The following CEP20 variants were observed in gnomAD, a reference collection of about 807,000 sequenced individuals.
The protein encoded by CEP20 is centrosomal protein 20, also known as FGFR1OP N-terminal like.
In CEP20, 18 loss-of-function variants were observed where a neutral mutation model predicts 20.0. The observed-to-expected ratio is 0.90, with a 90% CI of 0.62 to 1.34. The LOEUF (loss-of-function observed/expected upper bound fraction) is 1.34, where lower values mean the gene tolerates loss of function less well. Among genes scored for constraint, CEP20 ranks in the 40% most tolerant of loss-of-function variants. The pLI is 0.00. For missense variants in CEP20, 215 were observed against 201.6 expected, an observed-to-expected ratio of 1.07 and a Z score of -0.40; for synonymous variants, 77 against 73.7, an observed-to-expected ratio of 1.04 and a Z score of -0.23.
intron 2 of CEP20, among the ~76,000 whole-genome samples, chr16:15,883,452 T>G (rs1403113495): frequency 1.3e-5 from 2 of 152,012 alleles, no homozygotes; most frequent in Non-Finnish European, 1.5e-5. Flanking sequence ...CCAGAGCACA[T>G]GGGCTCACAT....
At chr16:15,872,369 A>G (rs960459165) in intron 4 of CEP20, among the ~76,000 whole-genome samples, 1 of 152,266 alleles carries the variant, frequency 6.6e-6, no homozygotes, top group Non-Finnish European at 1.5e-5. Context: ...CTGAGCTATA[A>G]CCCACTCAAT....
At chr16:15,871,785 A>C (rs1248810323) in intron 4 of CEP20, among the ~76,000 whole-genome samples, 2 of 152,210 alleles carry the variant, frequency 1.3e-5, no homozygotes, top group African/African-American at 2.4e-5. Context: ...CTCCTAGTGC[A>C]GTCAGAAACC....
rs1027698998 is a variant in CEP20 at position 15,866,190 on chromosome 16, G to T, written c.*1250C>A. 3 of 152,122 alleles carry T rather than the reference G, an allele frequency of 2.0e-5. No individual in the cohort carries two copies. The highest frequency in any genetic ancestry group is 2.0e-4 in the Admixed American group (3 of 15,258). The allele number at this position is 152,122 out of a possible 1,614,324, so 9.4% of individuals were successfully genotyped here. Reference sequence around the variant, plus strand: ...TTCTGCATTTAGATAAAAATTCTTGGCTAATCTGTAAGAAGTGAACACTGA... The same window carrying T: ...TTCTGCATTTAGATAAAAATTCTTGTCTAATCTGTAAGAAGTGAACACTGA... On this transcript the variant is annotated 3_prime_UTR_variant, in exon 5 of 5. Transcript: ENST00000255759.
intron 1 of CEP20, among the ~76,000 whole-genome samples, chr16:15,887,506 T>C (rs2042785474): frequency 6.6e-6 from 1 of 152,232 alleles, no homozygotes; most frequent in African/African-American, 2.4e-5. Context: ...TAGGTTCCCA[T>C]GCTGTGTCTC....
rs141679636 is a variant in CEP20, at chr16:15,875,561, G to A, written c.312-1934C>T. 5.7e-3 allele frequency among the ~76,000 whole-genome samples: 870 copies of A among 152,238 alleles called. 7 individuals are homozygous for A. The highest frequency in any genetic ancestry group is 0.02 in the African/African-American group (824 of 41,546). On this transcript the variant is annotated intron_variant, in intron 3 of 4. Coordinates refer to ENST00000255759, the MANE Select transcript of CEP20 (RefSeq NM_144600.4). Reference sequence around the variant, plus strand: ...AGCTACTTGGGAGGCTGAGGTGAGAGGATCGCTTGAGTGCAGAAGGGAGAG... The same window carrying A: ...AGCTACTTGGGAGGCTGAGGTGAGAAGATCGCTTGAGTGCAGAAGGGAGAG...
chr16:15,873,657 A>G, intron 3 of CEP20, 30 bp from the exon 4 acceptor site: 3 of 1,588,686 alleles, frequency 1.9e-6, no homozygotes, highest in Non-Finnish European at 2.6e-6. Context: ...AAACAAAACC[A>G]AAAGCTAATA....
chr16:15,885,409 T>C (rs1212828911), intron 1 of CEP20, among the ~76,000 whole-genome samples: 1 of 152,106 alleles, frequency 6.6e-6, no homozygotes, highest in Non-Finnish European at 1.5e-5. Context: ...ATTGTTGTTA[T>C]TTTGAAACAA....
intron 4 of CEP20, among the ~76,000 whole-genome samples, chr16:15,872,478 G>T (rs1389109215): frequency 6.6e-6 from 1 of 152,116 alleles, no homozygotes; most frequent in Non-Finnish European, 1.5e-5. Flanking sequence ...GAGAGGCTGA[G>T]GTGGGAAATC....
At chr16:15,875,898 A>C (rs2044932167) in intron 3 of CEP20, among the ~76,000 whole-genome samples, 4 of 152,002 alleles carry the variant, frequency 2.6e-5, no homozygotes, top group Admixed American at 2.6e-4. Flanking sequence ...CGGGAGTTCA[A>C]GACCAGCCTG....
At chr16:15,879,658 A>G (rs56026242) in intron 3 of CEP20, 146 bp downstream of exon 3, 34,652 of 581,454 alleles carry the variant, frequency 0.06, 1,497 homozygotes, top group East Asian at 0.19. Context: ...CATCTGACTT[A>G]TTCACTGCTG....
chr16:15,867,453 G>A lies in CEP20; in HGVS notation c.512C>T (p.Ala171Val), dbSNP rs1476543943. Residue 171 changes from alanine to valine, a missense_variant, in exon 5 of 5, where the codon GCA (alanine) becomes GTA (valine). Ala to Val is a moderately conservative substitution (Grantham distance 64). Transcript: ENST00000255759. ...CCAAACAAAGCATTATCTGTTGACTGCCTGAGAAACATGAAGATCTTCAAT... is the reference window on the plus strand; with the variant it reads ...CCAAACAAAGCATTATCTGTTGACTACCTGAGAAACATGAAGATCTTCAAT... ...TNIEDLHVSQAVNR is the reference protein window; with the variant it reads ...TNIEDLHVSQVVNR 1.3e-6 allele frequency: 2 copies of A among 1,599,640 alleles called. No individual in the cohort carries two copies. Among genetic ancestry groups the A allele is most frequent in the South Asian group, 1.1e-5 (1 of 88,862 alleles).
intron 1 of CEP20, among the ~76,000 whole-genome samples, chr16:15,888,138 C>A (rs2045290807): frequency 6.6e-6 from 1 of 150,566 alleles, no homozygotes; most frequent in Non-Finnish European, 1.5e-5. Flanking sequence ...AAGGACCCAA[C>A]GAGACAACCA....
At chr16:15,872,448 G>C (rs1567234167) in intron 4 of CEP20, among the ~76,000 whole-genome samples, 1 of 152,132 alleles carries the variant, frequency 6.6e-6, no homozygotes, top group Non-Finnish European at 1.5e-5. Flanking sequence ...ACAGGCTCGT[G>C]CCTGTAACCC....
chr16:15,870,944 T>G (rs1189133901), intron 4 of CEP20, among the ~76,000 whole-genome samples: 1 of 152,146 alleles, frequency 6.6e-6, no homozygotes, highest in African/African-American at 2.4e-5. Flanking sequence ...TATATATATT[T>G]AAATACACAG....
In CEP20 at chr16:15,884,025, G is replaced by A; in HGVS notation, c.209C>T (p.Ala70Val). 6.2e-7 allele frequency: 1 copy of A among 1,612,272 alleles called. No homozygotes were observed. The highest frequency in any genetic ancestry group is 8.5e-7 in the Non-Finnish European group (1 of 1,178,678). The change falls in exon 2 of 5, where the codon GCA (alanine) becomes GTA (valine). Residue 70 changes from alanine (A) to valine (V), a missense_variant. Transcript: ENST00000255759. Reference protein sequence around the residue: ...YLEFNKYKYTASVLIAESGQP... With the variant: ...YLEFNKYKYTVSVLIAESGQP... ...CCACTTACCTGCTATGAGGACAGATGCTGTATACTTATATTTGTTGAATTC... is the reference window on the plus strand; with the variant it reads ...CCACTTACCTGCTATGAGGACAGATACTGTATACTTATATTTGTTGAATTC...
At chr16:15,874,891 A>C (rs2044906144) in intron 3 of CEP20, among the ~76,000 whole-genome samples, 1 of 152,126 alleles carries the variant, frequency 6.6e-6, no homozygotes, top group African/African-American at 2.4e-5. Flanking sequence ...GGGAGAAGTC[A>C]GATGCCTCAG....
At chr16:15,879,075 G>A (rs2045034397) in intron 3 of CEP20, among the ~76,000 whole-genome samples, 1 of 148,824 alleles carries the variant, frequency 6.7e-6, no homozygotes. Context: ...CACTGAAATA[G>A]AAAAAAACTA....
chr16:15,875,101 C>T (rs1323134096), intron 3 of CEP20, among the ~76,000 whole-genome samples: 2 of 152,158 alleles, frequency 1.3e-5, no homozygotes, highest in East Asian at 1.9e-4. Context: ...CCCGAATATT[C>T]CACAAATAAT....
chr16:15,868,683 T>G (rs2044742831), intron 4 of CEP20, among the ~76,000 whole-genome samples: 1 of 152,210 alleles, frequency 6.6e-6, no homozygotes, highest in Non-Finnish European at 1.5e-5. Context: ...CTGCTTATTC[T>G]CAGTGCCAAT....
Sources: allele counts gnomAD v4.1 joint callset (sites outside exome capture counted in the v4.1 genomes callset), GRCh38; gene constraint gnomAD v4.1.1; transcripts MANE v1.5; gene names NCBI Gene and HGNC (gene_info 2026-07-23, HGNC 2026-07-21).